The following GNB1L variants were observed in gnomAD, a reference collection of about 807,000 sequenced individuals.
The protein encoded by GNB1L is G protein subunit beta 1 like.
GNB1L carries 20 observed loss-of-function variants against 29.1 expected under a neutral mutation model. The ratio of observed to expected loss-of-function variants is 0.69; its 90% CI spans 0.48 to 1.00. The LOEUF (loss-of-function observed/expected upper bound fraction) is 1.00. GNB1L is among the 50% of genes least tolerant of loss of function. The pLI, the probability that GNB1L is intolerant of heterozygous loss-of-function variation, is 0.00. For missense variants in GNB1L, 421 were observed against 464.9 expected (o/e 0.91, Z 0.87); for synonymous variants, 193 against 206.5 (o/e 0.93, Z 0.56).
rs1937209668 is a variant in GNB1L, at chr22:19,788,290, G to T, written c.*419C>A. The T allele has an allele frequency of 2.1e-6, 1 of 486,518 alleles. No individual in the cohort carries two copies. Among genetic ancestry groups the T allele is most frequent in the African/African-American group, 1.9e-5 (1 of 51,618 alleles). The allele number at this position is 486,518 out of a possible 1,614,324, so 30.1% of individuals were successfully genotyped here. On this transcript the variant is annotated 3_prime_UTR_variant, in exon 8 of 8. Coordinates refer to ENST00000329517, the MANE Select transcript of GNB1L (RefSeq NM_053004.3). ...CCTGGCCCAGGAAACCCACACTCGG[G>T]GTGGCCCATTCAACAGCAGGTGTGA...
rs1016945322 is a variant in GNB1L at position 19,816,977 on chromosome 22, C to T, written c.254+3621G>A. Among the ~76,000 whole-genome samples the T allele has an allele frequency of 2.6e-5, 4 of 152,200 alleles. No individual in the cohort carries two copies. The highest frequency in any genetic ancestry group is 4.8e-5 in the African/African-American group (2 of 41,446). The stretch of plus-strand genomic sequence containing the variant: ...GGGGGAAGGCGGGACCGCTGGGTAC[C>T]CACATGGAAACCCAGGGCCTTCACT... On this transcript the variant is annotated intron_variant, in intron 4 of 7. Transcript: ENST00000329517. This position sits in a 1 kb window ranked among gnomAD's most constrained non-coding sequence, Gnocchi z 4.4.
At chr22:19,851,829 G>C (rs199512182) in intron 2 of GNB1L, 5 of 1,613,864 alleles carry the variant, frequency 3.1e-6, no homozygotes, top group South Asian at 2.2e-5. Context: ...CCTGTTAGGC[G>C]CCTGAGGATC....
chr22:19,851,706 C>CA lies in GNB1L; in HGVS notation c.-21+2736dup, dbSNP rs771033342. On this transcript the variant is annotated intron_variant, in intron 2 of 7. Transcript: ENST00000329517. ...CAGGTAACCACAGCATGGTACTCAGCAAAACTGTTCGGGTCTTGAACAACT... is the reference window on the plus strand; with the variant it reads ...CAGGTAACCACAGCATGGTACTCAGCAAAAACTGTTCGGGTCTTGAACAACT... 6.7e-5 allele frequency: 107 copies of CA among 1,601,854 alleles called. No individual in the cohort carries two copies. In the South Asian group the frequency reaches 7.3e-4, roughly 11 times the overall value.
chr22:19,794,167 G>C (rs769097971), intron 7 of GNB1L, among the ~76,000 whole-genome samples: 3 of 152,192 alleles, frequency 2.0e-5, no homozygotes, highest in Non-Finnish European at 2.9e-5. Context: ...TACTTGGGAG[G>C]CTGAGGCAGG....
Position 19,847,189 on chromosome 22 carries a change from TGTC to T in GNB1L, c.-21+7251_-21+7253del, listed in dbSNP as rs1217649414. 12 of 985,456 alleles carry T rather than the reference TGTC, an allele frequency of 1.2e-5. No homozygotes were observed. In the African/African-American group the frequency reaches 2.1e-4, roughly 17 times the overall value. 61.0% of individuals were successfully genotyped at this position (985,456 alleles called of 1,614,324 possible). On this transcript the variant is annotated intron_variant, in intron 2 of 7. Transcript: ENST00000329517. ...CATGGAGAAATATGTCCAGGTAGGC[TGTC>T]GTCAGCACAGGTCTGACAGGCCCCA...
intron 2 of GNB1L, among the ~76,000 whole-genome samples, chr22:19,837,167 C>T (rs1372463013): frequency 2.6e-5 from 4 of 152,082 alleles, no homozygotes; most frequent in Non-Finnish European, 4.4e-5. Flanking sequence ...GGGGTCTCAC[C>T]GTGTTAGCCA....
intron 5 of GNB1L, among the ~76,000 whole-genome samples, chr22:19,808,253 C>T (rs1281457372): frequency 1.3e-5 from 2 of 152,222 alleles, no homozygotes; most frequent in Non-Finnish European, 2.9e-5. Flanking sequence ...CATGTACACA[C>T]CTGCACACAC....
At chr22:19,843,558 C>T (rs1429917236) in intron 2 of GNB1L, among the ~76,000 whole-genome samples, 1 of 152,208 alleles carries the variant, frequency 6.6e-6, no homozygotes, top group South Asian at 2.1e-4. Flanking sequence ...GGTATGCCCC[C>T]CAAGAACTCC....
intron 6 of GNB1L, among the ~76,000 whole-genome samples, chr22:19,802,488 C>T (rs1456236649): frequency 6.6e-6 from 1 of 152,222 alleles, no homozygotes; most frequent in East Asian, 1.9e-4. Context: ...AAGCCCAAGG[C>T]CTCCCACTGC....
intron 2 of GNB1L, among the ~76,000 whole-genome samples, chr22:19,828,060 G>A (rs1197400999): frequency 6.6e-6 from 1 of 152,168 alleles, no homozygotes; most frequent in African/African-American, 2.4e-5. Context: ...GACATGAAGG[G>A]AGTCAAAACT....
intron 2 of GNB1L, among the ~76,000 whole-genome samples, chr22:19,852,973 C>T (rs1352920091): frequency 2.6e-5 from 4 of 152,152 alleles, no homozygotes; most frequent in African/African-American, 9.7e-5. Flanking sequence ...AGGCTCTAGC[C>T]GCCCCAAAAA....
At chr22:19,795,830 C>A (rs961558321) in intron 7 of GNB1L, among the ~76,000 whole-genome samples, 2 of 152,190 alleles carry the variant, frequency 1.3e-5, no homozygotes, top group Non-Finnish European at 2.9e-5. Context: ...GCTCAGAGAA[C>A]GGCCCCTCAG....
chr22:19,820,983 C>T (rs1167200770), intron 3 of GNB1L, among the ~76,000 whole-genome samples: 1 of 152,184 alleles, frequency 6.6e-6, no homozygotes, highest in Non-Finnish European at 1.5e-5. Flanking sequence ...GGAGCCATGC[C>T]ACAGTAATGC....
intron 2 of GNB1L, among the ~76,000 whole-genome samples, chr22:19,836,968 A>ATT (rs35048764): frequency 8.3e-5 from 12 of 143,998 alleles, no homozygotes; most frequent in Admixed American, 2.1e-4. Flanking sequence ...TTGAAAAGAG[A>ATT]TTTTTTTTTT....
chr22:19,840,822 A>AG (rs1263234082), intron 2 of GNB1L, among the ~76,000 whole-genome samples: 1 of 152,018 alleles, frequency 6.6e-6, no homozygotes, highest in Non-Finnish European at 1.5e-5. Flanking sequence ...AAAAAAAAAA[A>AG]GAAAGAAAGA....
chr22:19,811,629 C>G (rs1265120068), intron 5 of GNB1L, among the ~76,000 whole-genome samples: 1 of 152,126 alleles, frequency 6.6e-6, no homozygotes, highest in Non-Finnish European at 1.5e-5. Context: ...TCCTGTGTTA[C>G]CAACACCTCT....
At position 19,809,561 on chromosome 22, in the gene GNB1L, A is replaced by G. The variant is rs553907938; in HGVS notation, c.417+2724T>C. Among the ~76,000 whole-genome samples, 7 of 152,272 alleles carry G rather than the reference A, an allele frequency of 4.6e-5. No homozygotes were observed. In the East Asian group the frequency reaches 1.2e-3, roughly 25 times the overall value. On this transcript the variant is annotated intron_variant, in intron 5 of 7. Coordinates refer to ENST00000329517, the MANE Select transcript of GNB1L (RefSeq NM_053004.3). ...AAGCCACCTATGGACAGCTAAACTA[A>G]AAGAGCACCCTGTAACACACACTCA... is the stretch of plus-strand genomic sequence containing the variant.
chr22:19,853,711 C>A (rs1432036919), intron 2 of GNB1L, among the ~76,000 whole-genome samples: 1 of 151,352 alleles, frequency 6.6e-6, no homozygotes, highest in Non-Finnish European at 1.5e-5. Context: ...CAGGTCTGAC[C>A]CCCCTCTGGG....
At position 19,852,427 on chromosome 22, in the gene GNB1L, C is replaced by A. The variant is rs1269041616; in HGVS notation, c.-21+2016G>T. 2.2e-5 allele frequency: 15 copies of A among 692,906 alleles called. No individual in the cohort carries two copies. In the East Asian group the frequency reaches 3.0e-4, roughly 14 times the overall value. The allele number at this position is 692,906 out of a possible 1,614,324, so 42.9% of individuals were successfully genotyped here. On this transcript the variant is annotated intron_variant, in intron 2 of 7. Transcript: ENST00000329517. ...AGGATCAGGGAGCTGACAGCTGCAG[C>A]CTCAGGAGAGCTGAGAAGAGCTGAG... is the stretch of plus-strand genomic sequence containing the variant.
Sources: gnomAD v4.1 joint callset for allele counts (sites outside exome capture counted in the v4.1 genomes callset) on GRCh38, gnomAD v4.1.1 for gene constraint, Gnocchi (gnomAD v3.1) non-coding constraint, MANE v1.5 for transcripts, NCBI Gene and HGNC (gene_info 2026-07-23, HGNC 2026-07-21) for gene names.